CDH13: variants seen among roughly 807,000 people sequenced by gnomAD.
CDH13 encodes cadherin 13, also known as cadherin-13.
CDH13 carries 24 observed loss-of-function variants against 63.8 expected under a neutral mutation model. The ratio of observed to expected loss-of-function variants is 0.38; its 90% confidence interval spans 0.27 to 0.53. CDH13 has a LOEUF of 0.53. CDH13 is among the 20% of genes least tolerant of loss of function. The probability of loss-of-function intolerance (pLI) is 0.85; values close to 1 mark genes in which losing one functional copy is unlikely to be tolerated. For missense variants in CDH13, 1,049 were observed against 903.1 expected (o/e 1.16, Z -2.07); for synonymous variants, 503 against 355.3 (o/e 1.42, Z -4.67).
At chr16:82,889,300 A>C (rs377226065) in intron 2 of CDH13, among the ~76,000 whole-genome samples, 2 of 149,804 alleles carry the variant, frequency 1.3e-5, no homozygotes, top group Non-Finnish European at 1.5e-5. Context: ...TCTCTCTATT[A>C]TCTCTCTCTC....
At chr16:83,240,490 G>A (rs1018799752) in intron 5 of CDH13, among the ~76,000 whole-genome samples, 3 of 152,060 alleles carry the variant, frequency 2.0e-5, no homozygotes, top group Non-Finnish European at 4.4e-5. Context: ...GGAGAACTTG[G>A]ATTAGAGAGT....
chr16:82,823,379 C>T (rs1005410995), intron 1 of CDH13: 8 of 148,842 alleles, frequency 5.4e-5, no homozygotes, highest in Non-Finnish European at 8.9e-5. Context: ...AAGTGAAAAG[C>T]GTGAAATAAA....
chr16:82,655,927 C>T (rs1368130249), intron 1 of CDH13, among the ~76,000 whole-genome samples: 1 of 152,064 alleles, frequency 6.6e-6, no homozygotes, highest in African/African-American at 2.4e-5. Flanking sequence ...CTGCTATGTG[C>T]CAGGATCTGT....
chr16:82,966,357 T>C (rs910293585), intron 2 of CDH13, among the ~76,000 whole-genome samples: 10 of 151,144 alleles, frequency 6.6e-5, no homozygotes, highest in Admixed American at 3.3e-4. Flanking sequence ...CACTGTTGGC[T>C]AGGATGGTCT....
intron 2 of CDH13, among the ~76,000 whole-genome samples, chr16:82,961,111 G>T (rs1236102130): frequency 6.6e-6 from 1 of 152,122 alleles, no homozygotes; most frequent in Non-Finnish European, 1.5e-5. Context: ...CACACCCCCT[G>T]AGCTGGCGCC....
intron 6 of CDH13, among the ~76,000 whole-genome samples, chr16:83,408,443 C>G (rs768701738): frequency 6.6e-6 from 1 of 152,138 alleles, no homozygotes; most frequent in Non-Finnish European, 1.5e-5. Flanking sequence ...TTGCCTCTTG[C>G]GCCTAGGCTA....
intron 1 of CDH13, among the ~76,000 whole-genome samples, chr16:82,694,612 C>T (rs1009519868): frequency 1.3e-5 from 2 of 152,138 alleles, no homozygotes; most frequent in African/African-American, 4.8e-5. Flanking sequence ...TAATACTCAG[C>T]TTTTTTGGTG....
intron 6 of CDH13, among the ~76,000 whole-genome samples, chr16:83,468,311 G>A (rs1157912181): frequency 6.6e-6 from 1 of 152,168 alleles, no homozygotes; most frequent in East Asian, 1.9e-4. Context: ...CAAGGTGAAG[G>A]CAGGGCAGAG....
intron 1 of CDH13, among the ~76,000 whole-genome samples, chr16:82,679,162 G>A (rs577508643): frequency 1.3e-5 from 2 of 152,322 alleles, no homozygotes; most frequent in Admixed American, 6.5e-5. Context: ...GCAAGCATGT[G>A]TCATCCTGCA....
At chr16:83,088,386 C>T (rs1438214299) in intron 3 of CDH13, among the ~76,000 whole-genome samples, 3 of 152,142 alleles carry the variant, frequency 2.0e-5, no homozygotes, top group Admixed American at 1.3e-4. Context: ...ATTCTTTGGA[C>T]GCAATTTGCA....
chr16:82,692,715 G>A (rs1023760117), intron 1 of CDH13, among the ~76,000 whole-genome samples: 6 of 152,174 alleles, frequency 3.9e-5, no homozygotes, highest in Admixed American at 6.5e-5. Flanking sequence ...GAGAGAGAAC[G>A]TGGGTTCTCT....
At chr16:83,432,465 A>G (rs2072150166) in intron 6 of CDH13, among the ~76,000 whole-genome samples, 1 of 152,172 alleles carries the variant, frequency 6.6e-6, no homozygotes, top group Non-Finnish European at 1.5e-5. Context: ...ACCTATGCCT[A>G]CTTCCACGCT....
chr16:82,873,163 T>C (rs2040399639), intron 2 of CDH13, among the ~76,000 whole-genome samples: 1 of 152,132 alleles, frequency 6.6e-6, no homozygotes, highest in Non-Finnish European at 1.5e-5. Context: ...TATAAACACT[T>C]AGGCTGAGGG....
chr16:83,146,723 G>T (rs970397552), intron 4 of CDH13, among the ~76,000 whole-genome samples: 1 of 152,268 alleles, frequency 6.6e-6, no homozygotes, highest in East Asian at 1.9e-4. Context: ...ATTGGAGTTT[G>T]GTTATCAAAG....
At chr16:83,401,578 C>G (rs1220557900) in intron 6 of CDH13, among the ~76,000 whole-genome samples, 2 of 151,942 alleles carry the variant, frequency 1.3e-5, no homozygotes, top group African/African-American at 4.8e-5. Flanking sequence ...CCTTTATGAA[C>G]TGAATTATAC....
chr16:83,614,585 T>C (rs1275812211), intron 8 of CDH13, among the ~76,000 whole-genome samples: 3 of 152,200 alleles, frequency 2.0e-5, no homozygotes, highest in Admixed American at 6.5e-5. Flanking sequence ...CTCTCAAGTA[T>C]TGGCTGCCTT....
At chr16:83,789,216 C>T (rs1195038882) in intron 13 of CDH13, among the ~76,000 whole-genome samples, 1 of 152,108 alleles carries the variant, frequency 6.6e-6, no homozygotes, top group Non-Finnish European at 1.5e-5. Flanking sequence ...AGTGGCCGAC[C>T]CACGTGTGCT....
chr16:83,011,325 A>C (rs1914130736), intron 2 of CDH13, among the ~76,000 whole-genome samples: 1 of 152,166 alleles, frequency 6.6e-6, no homozygotes, highest in Admixed American at 6.5e-5. Flanking sequence ...AAGTCTTAGC[A>C]CACTGTTCAG....
intron 7 of CDH13, among the ~76,000 whole-genome samples, chr16:83,548,622 T>C (rs1262609083): frequency 6.6e-5 from 10 of 152,128 alleles, no homozygotes; most frequent in African/African-American, 1.9e-4. Context: ...GGGTATGTGG[T>C]GTCAATGGAG....
Sources: gnomAD v4.1 joint callset for allele counts (sites outside exome capture counted in the v4.1 genomes callset) on GRCh38, gnomAD v4.1.1 for gene constraint, MANE v1.5 for transcripts, NCBI Gene and HGNC (gene_info 2026-07-23, HGNC 2026-07-21) for gene names.